The following DYNC1I1 variants were observed in gnomAD, a reference collection of about 807,000 sequenced individuals.
DYNC1I1 encodes cytoplasmic dynein 1 intermediate chain 1.
Under a neutral mutation model 86.6 loss-of-function variants are expected in DYNC1I1, and 43 were observed. The ratio of observed to expected loss-of-function variants is 0.50; its 90% CI spans 0.39 to 0.64. The LOEUF is 0.64. Ranked by LOEUF, DYNC1I1 falls within the 30% of genes least tolerant of loss-of-function variation. The pLI is 0.00. For missense variants in DYNC1I1, 604 were observed against 788.8 expected, an observed-to-expected ratio of 0.77 and a Z score of 2.81; for synonymous variants, 262 against 283.7, an observed-to-expected ratio of 0.92 and a Z score of 0.77.
At chr7:95,983,699 A>G (rs1793512671) in intron 7 of DYNC1I1, among the ~76,000 whole-genome samples, 1 of 152,128 alleles carries the variant, frequency 6.6e-6, no homozygotes, top group South Asian at 2.1e-4. Context: ...TCTTCTGACC[A>G]TGTGGCCAGG....
At chr7:95,816,420 T>A (rs560722434) in intron 4 of DYNC1I1, among the ~76,000 whole-genome samples, 8 of 152,354 alleles carry the variant, frequency 5.3e-5, no homozygotes, top group African/African-American at 1.9e-4. Flanking sequence ...TTTAATTTTT[T>A]AAATTTCACT....
At chr7:96,096,035 C>T (rs190042003) in intron 16 of DYNC1I1, among the ~76,000 whole-genome samples, 1 of 152,218 alleles carries the variant, frequency 6.6e-6, no homozygotes, top group East Asian at 1.9e-4. Context: ...CTTATTGGTA[C>T]TGCACTTCGC....
intron 10 of DYNC1I1, among the ~76,000 whole-genome samples, chr7:95,996,503 C>T (rs1449863212): frequency 6.6e-6 from 1 of 152,202 alleles, no homozygotes; most frequent in Non-Finnish European, 1.5e-5. Context: ...CGCCATACTA[C>T]TTAACAGATA....
intron 6 of DYNC1I1, among the ~76,000 whole-genome samples, chr7:95,917,982 C>A (rs1394294228): frequency 1.3e-5 from 2 of 152,206 alleles, no homozygotes; most frequent in African/African-American, 4.8e-5. Flanking sequence ...TTGTATAATC[C>A]TGAACTGTAA....
At chr7:95,884,873 T>C (rs988557711) in intron 6 of DYNC1I1, among the ~76,000 whole-genome samples, 2 of 151,850 alleles carry the variant, frequency 1.3e-5, no homozygotes, top group Non-Finnish European at 2.9e-5. Context: ...CTCCTCAACC[T>C]CAGTAAAAGC....
intron 10 of DYNC1I1, among the ~76,000 whole-genome samples, chr7:96,016,143 G>A (rs1794396974): frequency 6.6e-6 from 1 of 151,972 alleles, no homozygotes; most frequent in Non-Finnish European, 1.5e-5. Context: ...TCACCACATA[G>A]TTTTAATATG....
chr7:96,053,077 C>A (rs887488731), intron 14 of DYNC1I1, among the ~76,000 whole-genome samples: 2 of 152,176 alleles, frequency 1.3e-5, no homozygotes, highest in Non-Finnish European at 2.9e-5. Context: ...ATTATGAATG[C>A]ACACTCTCAC....
At chr7:95,787,920 G>A (rs1018252245) in intron 1 of DYNC1I1, among the ~76,000 whole-genome samples, 5 of 152,170 alleles carry the variant, frequency 3.3e-5, no homozygotes, top group African/African-American at 9.7e-5. Context: ...CAGATATGTA[G>A]GGGAAAATGC....
At chr7:95,798,132 A>G (rs1174889711) in intron 1 of DYNC1I1, among the ~76,000 whole-genome samples, 1 of 152,216 alleles carries the variant, frequency 6.6e-6, no homozygotes, top group African/African-American at 2.4e-5. Context: ...GATAATTTTT[A>G]AGGGTATAAC....
At chr7:95,980,222 G>T (rs750067097) in intron 7 of DYNC1I1, among the ~76,000 whole-genome samples, 1 of 151,928 alleles carries the variant, frequency 6.6e-6, no homozygotes, top group Non-Finnish European at 1.5e-5. Flanking sequence ...CTGCTGCACT[G>T]TATGCCTTAT....
At chr7:95,824,427 ATCT>A (rs1795160593) in intron 4 of DYNC1I1, among the ~76,000 whole-genome samples, 1 of 152,140 alleles carries the variant, frequency 6.6e-6, no homozygotes, top group Admixed American at 6.5e-5. Flanking sequence ...TCTTATCAAA[ATCT>A]TCTCTCCTCT....
At chr7:95,837,286 C>T (rs1254230400) in intron 5 of DYNC1I1, among the ~76,000 whole-genome samples, 1 of 151,892 alleles carries the variant, frequency 6.6e-6, no homozygotes, top group Non-Finnish European at 1.5e-5. Context: ...GCTCGGGGGT[C>T]AGGGGTCAGG....
intron 5 of DYNC1I1, among the ~76,000 whole-genome samples, chr7:95,851,081 G>A (rs924408164): frequency 2.7e-5 from 4 of 149,756 alleles, no homozygotes; most frequent in Admixed American, 6.7e-5. Flanking sequence ...GGACCACAGC[G>A]TACCCTACAC....
chr7:95,893,745 G>A (rs911829509), intron 6 of DYNC1I1, among the ~76,000 whole-genome samples: 6 of 152,146 alleles, frequency 3.9e-5, no homozygotes, highest in Non-Finnish European at 7.4e-5. Flanking sequence ...CAAAAGGTTT[G>A]TTTCTTTGAG....
At chr7:96,019,182 C>T (rs960262710) in intron 10 of DYNC1I1, among the ~76,000 whole-genome samples, 1 of 152,136 alleles carries the variant, frequency 6.6e-6, no homozygotes, top group Non-Finnish European at 1.5e-5. Context: ...AGTGAGAACA[C>T]ATAAAATCTG....
chr7:95,871,260 C>T (rs561311986), intron 6 of DYNC1I1, among the ~76,000 whole-genome samples: 20 of 152,126 alleles, frequency 1.3e-4, no homozygotes, highest in Non-Finnish European at 2.2e-4. Context: ...ATTTTAGAAG[C>T]AAACAAGTAG....
chr7:95,891,326 A>T (rs1175541390), intron 6 of DYNC1I1, among the ~76,000 whole-genome samples: 3 of 152,242 alleles, frequency 2.0e-5, no homozygotes, highest in African/African-American at 7.2e-5. Context: ...TGTGGGCTTC[A>T]AAATAAAATA....
intron 5 of DYNC1I1, among the ~76,000 whole-genome samples, chr7:95,836,494 C>T (rs1197934570): frequency 6.6e-6 from 1 of 151,538 alleles, no homozygotes; most frequent in Non-Finnish European, 1.5e-5. Context: ...CTTTGTATTT[C>T]CTGAATCTGA....
At chr7:96,017,458 T>C (rs542388183) in intron 10 of DYNC1I1, among the ~76,000 whole-genome samples, 2 of 152,344 alleles carry the variant, frequency 1.3e-5, no homozygotes, top group African/African-American at 4.8e-5. Flanking sequence ...GCCACCTTTG[T>C]TCTGAACGTG....
Sources: gnomAD v4.1 joint callset for allele counts (sites outside exome capture counted in the v4.1 genomes callset) on GRCh38, gnomAD v4.1.1 for gene constraint, MANE v1.5 for transcripts, NCBI Gene and HGNC (gene_info 2026-07-23, HGNC 2026-07-21) for gene names.